The following TRIP13 variants were observed in gnomAD, a reference collection of about 807,000 sequenced individuals.
TRIP13 encodes the protein pachytene checkpoint protein 2 homolog.
A neutral mutation model predicts 54.4 loss-of-function variants in TRIP13; 25 were observed. The observed-to-expected ratio is 0.46, with a 90% CI of 0.33 to 0.64. The LOEUF (loss-of-function observed/expected upper bound fraction) is 0.64. TRIP13 is among the 30% of genes least tolerant of loss of function. The pLI, the probability that TRIP13 is intolerant of heterozygous loss-of-function variation, is 0.02. For synonymous variants in TRIP13, 207 were observed against 207.8 expected, an observed-to-expected ratio of 1.00 and a Z score of 0.03; for missense variants, 373 against 534.2, an observed-to-expected ratio of 0.70 and a Z score of 2.97.
rs138552033 is a variant in TRIP13 at position 900,875 on chromosome 5, C to T, written c.444+326C>T. Among the ~76,000 whole-genome samples the T allele has an allele frequency of 2.4e-3, 359 of 152,338 alleles. 2 individuals carry two copies. Among genetic ancestry groups the T allele is most frequent in the Non-Finnish European group, 3.9e-3 (268 of 68,022 alleles). ...TGTGTCTTAACCCCTGCACCCTCTT[C>T]AACGGGAAGGGTCTTTCCCATGCCA... On this transcript the variant is annotated intron_variant, in intron 4 of 12. Transcript: ENST00000166345.
chr5:909,577 G>A (rs1294386109), intron 9 of TRIP13, among the ~76,000 whole-genome samples: 2 of 152,246 alleles, frequency 1.3e-5, no homozygotes, highest in East Asian at 1.9e-4. Flanking sequence ...ACCCAGCGGC[G>A]CTAGAGGAAT....
intron 9 of TRIP13, among the ~76,000 whole-genome samples, chr5:909,679 C>T (rs1754189475): frequency 6.6e-6 from 1 of 152,202 alleles, no homozygotes; most frequent in Non-Finnish European, 1.5e-5. Flanking sequence ...CAGAGGTTTA[C>T]CCACGTATTT....
chr5:903,461 A>G (rs904917975), intron 5 of TRIP13, among the ~76,000 whole-genome samples: 3 of 152,316 alleles, frequency 2.0e-5, no homozygotes, highest in African/African-American at 4.8e-5. Flanking sequence ...ATATTCATAT[A>G]TAATCATATC....
In TRIP13 at chr5:916,093, G is replaced by T. The variant is rs1363145879; in HGVS notation, c.1203+120G>T. ...TTTTATCTCAGTTTCTAAACCACAG[G>T]GTCCTGGGGCCGGAGGAGGAGCTGA... On this transcript the variant is annotated intron_variant, in intron 12 of 12. Transcript: ENST00000166345. The T allele has an allele frequency of 7.4e-6, 8 of 1,077,228 alleles. No homozygotes were observed. The African/African-American group carries it at 1.1e-4, about 15-fold the overall frequency. 66.7% of individuals were successfully genotyped at this position (1,077,228 alleles called of 1,614,324 possible). A position where few individuals can be genotyped will look rare whatever the true frequency, so the allele number is the denominator to read the frequency against.
At chr5:909,889 T>C (rs185054118) in intron 9 of TRIP13, among the ~76,000 whole-genome samples, 12 of 152,386 alleles carry the variant, frequency 7.9e-5, no homozygotes, top group Admixed American at 7.2e-4. Context: ...TTTTCCACCC[T>C]GGGCGGGCCA....
intron 12 of TRIP13, among the ~76,000 whole-genome samples, chr5:916,790 GGC>G (rs372193862): frequency 0.014 from 2,047 of 150,144 alleles, 44 homozygotes; most frequent in African/African-American, 0.044. Context: ...ACATGGCGGG[GGC>G]GGGGGTCACG....
chr5:907,281 C>A lies in TRIP13; in HGVS notation c.672+88C>A. On this transcript the variant is annotated intron_variant, in intron 7 of 12. Transcript: ENST00000166345. This position sits in a 1 kb window ranked among gnomAD's most constrained non-coding sequence, Gnocchi z 4.1. ...TAGGCAAATCCTCCTCCAGAAGCTTCAGGAGAGAACTGGGTGGGAAGGGTG... is the reference window on the plus strand; with the variant it reads ...TAGGCAAATCCTCCTCCAGAAGCTTAAGGAGAGAACTGGGTGGGAAGGGTG... 1.7e-6 allele frequency: 2 copies of A among 1,171,904 alleles called. No homozygotes were observed. Among genetic ancestry groups the A allele is most frequent in the Non-Finnish European group, 1.3e-6 (1 of 798,704 alleles). 72.6% of individuals were successfully genotyped at this position (1,171,904 alleles called of 1,614,324 possible). A position where few individuals can be genotyped will look rare whatever the true frequency, so the allele number is the denominator to read the frequency against.
intron 12 of TRIP13, 28 bp from the exon 13 acceptor site, chr5:916,980 C>A: frequency 6.2e-7 from 1 of 1,605,614 alleles, no homozygotes; most frequent in South Asian, 1.1e-5. Context: ...GAGTTGAGCC[C>A]CTCCAGCAAT....
chr5:893,095 GC>G lies in TRIP13; in HGVS notation c.92+7del. The G allele has an allele frequency of 1.3e-6, 2 of 1,587,392 alleles. No individual in the cohort carries two copies. Among genetic ancestry groups the G allele is most frequent in the Non-Finnish European group, 1.7e-6 (2 of 1,173,158 alleles). Reference sequence around the variant, plus strand: ...GGTGCATCAGCGCGGCAGCAGGTGAGCCGGACCTGTCCGACACATCCTCTGG... The same window carrying G: ...GGTGCATCAGCGCGGCAGCAGGTGAGCGGACCTGTCCGACACATCCTCTGG... On this transcript the variant is annotated splice_donor_region_variant and intron_variant, in intron 1 of 12. Transcript: ENST00000166345.
rs899028551 is a variant in TRIP13 at position 912,381 on chromosome 5, G to A, written c.1020+385G>A. 1.8e-4 allele frequency among the ~76,000 whole-genome samples: 28 copies of A among 152,060 alleles called. No homozygotes were observed. The highest frequency in any genetic ancestry group is 6.5e-4 in the African/African-American group (27 of 41,408). On this transcript the variant is annotated intron_variant, in intron 10 of 12. Transcript: ENST00000166345. This position sits in a 1 kb window ranked among gnomAD's most constrained non-coding sequence, Gnocchi z 7.2. The stretch of plus-strand genomic sequence containing the variant: ...CCTTACCTGAAAGAGGAAACATCAC[G>A]GGCGTAGTATGGGCCTGGTTTTGGT...
intron 10 of TRIP13, among the ~76,000 whole-genome samples, chr5:914,014 A>G (rs905120200): frequency 6.6e-6 from 1 of 152,108 alleles, no homozygotes; most frequent in Admixed American, 6.5e-5. Flanking sequence ...CTGCCAAACA[A>G]GCCTCACCTT....
chr5:905,964 C>G (rs563669681), intron 6 of TRIP13, among the ~76,000 whole-genome samples: 1 of 152,122 alleles, frequency 6.6e-6, no homozygotes, highest in African/African-American at 2.4e-5. Flanking sequence ...GCCTGTAATC[C>G]CAGCGCTTTG....
rs1754155389 is a variant in TRIP13, at chr5:908,143, C to G, written c.759+69C>G. 1 of 1,551,964 alleles carries G rather than the reference C, an allele frequency of 6.4e-7. No individual in the cohort carries two copies. Among genetic ancestry groups the G allele is most frequent in the Admixed American group, 1.7e-5 (1 of 59,866 alleles). On this transcript the variant is annotated intron_variant, in intron 8 of 12. Coordinates refer to ENST00000166345, the MANE Select transcript of TRIP13 (RefSeq NM_004237.4). The surrounding 1 kb of genome is among the most constrained non-coding windows in gnomAD (Gnocchi z 5.2). ...TGCCATTGTGGGGACACAGCCTACT[C>G]CTGATGCTCCTAGCTTTCCCCTCCT...
At position 907,786 on chromosome 5, in the gene TRIP13, A is replaced by G. The variant is rs1000457285; in HGVS notation, c.673-202A>G. ...TGGTCTCAGGTCTCAGCACCCTGGC[A>G]TTCAAAGCAGAGGGGAAGAGTGTTA... On this transcript the variant is annotated intron_variant, in intron 7 of 12. Transcript: ENST00000166345. This position sits in a 1 kb window ranked among gnomAD's most constrained non-coding sequence, Gnocchi z 4.1. 1.2e-4 allele frequency among the ~76,000 whole-genome samples: 19 copies of G among 152,220 alleles called. No homozygotes were observed. Among genetic ancestry groups the G allele is most frequent in the African/African-American group, 4.3e-4 (18 of 41,452 alleles).
chr5:918,503 A>G (rs573370920), downstream of TRIP13, among the ~76,000 whole-genome samples: 173 of 152,326 alleles, frequency 1.1e-3, no homozygotes, highest in African/African-American at 4.1e-3. The surrounding 1 kb of genome is among the most constrained non-coding windows in gnomAD (Gnocchi z 4.3). Flanking sequence ...TCAAGAAACA[A>G]TTTGAGCTTT....
intron 4 of TRIP13, among the ~76,000 whole-genome samples, chr5:901,004 A>G (rs73734403): frequency 0.047 from 7,160 of 152,236 alleles, 527 homozygotes; most frequent in African/African-American, 0.16. Context: ...TTTTGCGAAT[A>G]ATAACTGCTG....
chr5:896,019 CAGTT>C (rs1188454355), intron 2 of TRIP13, among the ~76,000 whole-genome samples: 1 of 152,174 alleles, frequency 6.6e-6, no homozygotes, highest in African/African-American at 2.4e-5. Context: ...TAAAAAGACA[CAGTT>C]AGGAAACCGA....
chr5:918,276 T>C (rs998094598), downstream of TRIP13, among the ~76,000 whole-genome samples: 1 of 152,172 alleles, frequency 6.6e-6, no homozygotes, highest in Non-Finnish European at 1.5e-5. This position sits in a 1 kb window ranked among gnomAD's most constrained non-coding sequence, Gnocchi z 4.3. Context: ...CTGCTGGGCC[T>C]TAACTCTAGA....
Position 908,283 on chromosome 5 carries a change from G to A in TRIP13, c.760-72G>A, listed in dbSNP as rs1219715765. On this transcript the variant is annotated intron_variant, in intron 8 of 12. Transcript: ENST00000166345. This position sits in a 1 kb window ranked among gnomAD's most constrained non-coding sequence, Gnocchi z 5.2. Reference sequence around the variant, plus strand: ...ATTCATCTTTTTCACGTGCTCAGCGGGACGTATCCCCATAGCTGCCTGTGA... The same window carrying A: ...ATTCATCTTTTTCACGTGCTCAGCGAGACGTATCCCCATAGCTGCCTGTGA... 3.2e-6 allele frequency: 5 copies of A among 1,541,758 alleles called. No homozygotes were observed. In the African/African-American group the frequency reaches 6.8e-5, roughly 21 times the overall value.
Sources: gnomAD v4.1 joint callset for allele counts (sites outside exome capture counted in the v4.1 genomes callset) on GRCh38, gnomAD v4.1.1 for gene constraint, Gnocchi (gnomAD v3.1) non-coding constraint, MANE v1.5 for transcripts, NCBI Gene and HGNC (gene_info 2026-07-23, HGNC 2026-07-21) for gene names.